The following ROBO1 variants were observed in gnomAD, a reference collection of about 807,000 sequenced individuals.
ROBO1 encodes roundabout guidance receptor 1.
Under a neutral mutation model 195.9 loss-of-function variants are expected in ROBO1, and 149 were observed. The observed-to-expected ratio is 0.76, with a 90% confidence interval of 0.67 to 0.87. The LOEUF (loss-of-function observed/expected upper bound fraction) is 0.87, where lower values mean the gene tolerates loss of function less well. Among genes scored for constraint, ROBO1 ranks in the 40% least tolerant of loss-of-function variants. The pLI, the probability that ROBO1 is intolerant of heterozygous loss-of-function variation, is 0.00. For synonymous variants in ROBO1, 816 were observed against 733.2 expected, an observed-to-expected ratio of 1.11 and a Z score of -1.82; for missense variants, 1,933 against 2,068.3, an observed-to-expected ratio of 0.93 and a Z score of 1.27.
intron 2 of ROBO1, among the ~76,000 whole-genome samples, chr3:79,578,014 T>A (rs777956761): frequency 2.6e-5 from 4 of 151,670 alleles, no homozygotes; most frequent in African/African-American, 7.3e-5. Context: ...AACAAATAAA[T>A]ACCTCACCAA....
At chr3:79,348,960 C>T (rs2035237251) in intron 2 of ROBO1, among the ~76,000 whole-genome samples, 1 of 152,128 alleles carries the variant, frequency 6.6e-6, no homozygotes, top group Non-Finnish European at 1.5e-5. Context: ...TAAATATTAA[C>T]AATCCACTGC....
chr3:78,710,590 T>C (rs1036616240), intron 8 of ROBO1, among the ~76,000 whole-genome samples: 3 of 152,198 alleles, frequency 2.0e-5, no homozygotes, highest in African/African-American at 2.4e-5. Context: ...AATATCCTTA[T>C]ACAAAGGTTG....
chr3:78,738,898 T>C (rs1335234759), intron 5 of ROBO1, among the ~76,000 whole-genome samples: 1 of 152,208 alleles, frequency 6.6e-6, no homozygotes. Flanking sequence ...ACAGCTTTGA[T>C]GAAAATAAAT....
chr3:79,024,002 G>T (rs985373258), intron 3 of ROBO1, among the ~76,000 whole-genome samples: 1 of 151,950 alleles, frequency 6.6e-6, no homozygotes, highest in South Asian at 2.1e-4. Flanking sequence ...GAGCCACCGC[G>T]CCTGGCCAGG....
chr3:79,161,772 T>G (rs935163677), intron 2 of ROBO1, among the ~76,000 whole-genome samples: 3 of 152,096 alleles, frequency 2.0e-5, no homozygotes, highest in Non-Finnish European at 4.4e-5. Context: ...ATCGCTCTCC[T>G]TCTTGACCTC....
intron 2 of ROBO1, among the ~76,000 whole-genome samples, chr3:79,162,603 T>A (rs2080989433): frequency 6.6e-6 from 1 of 152,132 alleles, no homozygotes; most frequent in Non-Finnish European, 1.5e-5. Flanking sequence ...GGTTTTAGAT[T>A]TCTGTAATAA....
At chr3:79,474,159 T>C (rs1468559434) in intron 2 of ROBO1, among the ~76,000 whole-genome samples, 1 of 152,138 alleles carries the variant, frequency 6.6e-6, no homozygotes, top group Non-Finnish European at 1.5e-5. Context: ...TCAAGCTTTA[T>C]ACAAGATCCC....
intron 1 of ROBO1, among the ~76,000 whole-genome samples, chr3:79,595,628 C>T (rs1944141948): frequency 6.6e-6 from 1 of 151,840 alleles, no homozygotes; most frequent in South Asian, 2.1e-4. Flanking sequence ...AACTCCAGTG[C>T]CTCTGAGATC....
chr3:78,991,948 C>A lies in ROBO1; in HGVS notation c.173-53021G>T, dbSNP rs376872510. 3.5e-4 allele frequency among the ~76,000 whole-genome samples: 53 copies of A among 151,400 alleles called. 1 individual carries two copies. Among genetic ancestry groups the A allele is most frequent in the African/African-American group, 1.1e-3 (47 of 41,192 alleles). On this transcript the variant is annotated intron_variant, in intron 3 of 30. Transcript: ENST00000464233. ...AAGATATTCTATCTACAAAAAAAAA[C>A]CAAAATGCTATGAAAAATGAATAGA... is the stretch of plus-strand genomic sequence containing the variant.
intron 3 of ROBO1, among the ~76,000 whole-genome samples, chr3:79,097,223 G>A (rs1324307234): frequency 6.6e-6 from 1 of 151,744 alleles, no homozygotes; most frequent in Non-Finnish European, 1.5e-5. Context: ...TTCAAAAAGT[G>A]AAGCAAACTT....
chr3:79,657,411 G>C (rs936192121), intron 1 of ROBO1, among the ~76,000 whole-genome samples: 6 of 152,146 alleles, frequency 3.9e-5, no homozygotes, highest in Non-Finnish European at 7.4e-5. Flanking sequence ...GTGAATGAGA[G>C]AAAGTAACTT....
chr3:79,048,320 A>G (rs575282377), intron 3 of ROBO1, among the ~76,000 whole-genome samples: 2 of 152,224 alleles, frequency 1.3e-5, no homozygotes, highest in South Asian at 4.1e-4. Context: ...TTTAAACCTC[A>G]GTTCCAAGGC....
intron 1 of ROBO1, among the ~76,000 whole-genome samples, chr3:79,653,328 G>A (rs936670511): frequency 4.0e-5 from 6 of 151,798 alleles, no homozygotes; most frequent in Admixed American, 2.6e-4. Context: ...TATTTTAGAA[G>A]CTAGAACCCC....
chr3:79,747,270 C>A lies in ROBO1; in HGVS notation c.-51+20482G>T, dbSNP rs142396144. The stretch of plus-strand genomic sequence containing the variant: ...TTATTTTGAAAATATGTTTGTTTAT[C>A]TGGATTTAAATAGGATACCAGGACT... On this transcript the variant is annotated intron_variant, in intron 1 of 30. Coordinates refer to ENST00000464233, the MANE Select transcript of ROBO1 (RefSeq NM_002941.4). 5.7e-3 allele frequency among the ~76,000 whole-genome samples: 861 copies of A among 151,970 alleles called. 7 individuals are homozygous for A. Among genetic ancestry groups the A allele is most frequent in the African/African-American group, 0.018 (740 of 41,488 alleles).
intron 4 of ROBO1, among the ~76,000 whole-genome samples, chr3:78,774,562 G>C (rs1474494770): frequency 6.6e-6 from 1 of 151,456 alleles, no homozygotes; most frequent in African/African-American, 2.4e-5. Context: ...CGACAGCCTT[G>C]GTCTCCCAAA....
rs532391439 is a variant in ROBO1 at position 79,685,397 on chromosome 3, T to A, written c.-51+82355A>T. ...TCTGAGTTCAGGAATATGTGGAAGT[T>A]TTTTAAAGGCCTTTATGGACATCTG... On this transcript the variant is annotated intron_variant, in intron 1 of 30. Coordinates refer to ENST00000464233, the MANE Select transcript of ROBO1 (RefSeq NM_002941.4). Among the ~76,000 whole-genome samples, 999 of 152,286 alleles carry A rather than the reference T, an allele frequency of 6.6e-3. 5 individuals carry two copies. Among genetic ancestry groups the A allele is most frequent in the Non-Finnish European group, 0.011 (716 of 68,018 alleles).
chr3:79,008,506 T>C (rs545910217), intron 3 of ROBO1, among the ~76,000 whole-genome samples: 1 of 151,970 alleles, frequency 6.6e-6, no homozygotes, highest in East Asian at 1.9e-4. Context: ...ATGCAGCACG[T>C]ACGTGTGTGT....
chr3:78,783,297 A>AT (rs1234090311), intron 4 of ROBO1, among the ~76,000 whole-genome samples: 1 of 152,104 alleles, frequency 6.6e-6, no homozygotes, highest in African/African-American at 2.4e-5. Context: ...GGAACAATAT[A>AT]TTTTTTTAAA....
In ROBO1 at chr3:79,055,228, C is replaced by T. The variant is rs115399837; in HGVS notation, c.172+70228G>A. ...TCTGCCAAGGTTCCTGTTTCCGTTC[C>T]GGCCAGTGAGTCAATTGCTCAACTG... On this transcript the variant is annotated intron_variant, in intron 3 of 30. Coordinates refer to ENST00000464233, the MANE Select transcript of ROBO1 (RefSeq NM_002941.4). Among the ~76,000 whole-genome samples the T allele has an allele frequency of 1.7e-3, 255 of 152,174 alleles. 3 individuals carry two copies. Among genetic ancestry groups the T allele is most frequent in the African/African-American group, 5.9e-3 (243 of 41,530 alleles).
Sources: gnomAD v4.1 joint callset for allele counts (sites outside exome capture counted in the v4.1 genomes callset) on GRCh38, gnomAD v4.1.1 for gene constraint, MANE v1.5 for transcripts, NCBI Gene and HGNC (gene_info 2026-07-23, HGNC 2026-07-21) for gene names.